CCDC102B: variants seen among roughly 807,000 people sequenced by gnomAD.
CCDC102B encodes coiled-coil domain containing 102B.
CCDC102B carries 75 observed loss-of-function variants against 57.4 expected under a neutral mutation model. The observed-to-expected ratio is 1.31, with a 90% confidence interval of 1.08 to 1.58. CCDC102B has a LOEUF of 1.58. CCDC102B is among the 40% of genes most tolerant of loss of function. The pLI is 0.00. For missense variants in CCDC102B, 636 were observed against 582.6 expected, an observed-to-expected ratio of 1.09 and a Z score of -0.94; for synonymous variants, 206 against 201.9, an observed-to-expected ratio of 1.02 and a Z score of -0.17.
chr18:68,998,967 CATATATATATATAT>C (rs377246950), intron 6 of CCDC102B, among the ~76,000 whole-genome samples: 2,045 of 91,950 alleles, frequency 0.022, 33 homozygotes, highest in Non-Finnish European at 0.029. Flanking sequence ...ACATAATCAT[CATATATATATATAT>C]ATATATATAT....
At chr18:68,976,142 T>C (rs1285078877) in intron 6 of CCDC102B, among the ~76,000 whole-genome samples, 1 of 151,978 alleles carries the variant, frequency 6.6e-6, no homozygotes, top group East Asian at 1.9e-4. Flanking sequence ...GGGTTTTAGG[T>C]TTCAAGTAAT....
intron 1 of CCDC102B, among the ~76,000 whole-genome samples, chr18:68,825,761 G>A (rs1369137024): frequency 6.6e-6 from 1 of 152,100 alleles, no homozygotes; most frequent in Non-Finnish European, 1.5e-5. Flanking sequence ...AAATGAACAT[G>A]TTCATCTTTG....
chr18:68,997,048 T>C (rs1026174091), intron 6 of CCDC102B, among the ~76,000 whole-genome samples: 2 of 152,116 alleles, frequency 1.3e-5, no homozygotes, highest in African/African-American at 4.8e-5. Flanking sequence ...TATAAGGGAC[T>C]CCTTCCCCTT....
In CCDC102B at chr18:69,054,901, G is replaced by A. The variant is rs2052790047; in HGVS notation, c.*764G>A. 1 of 985,128 alleles carries A rather than the reference G, an allele frequency of 1.0e-6. No homozygotes were observed. Among genetic ancestry groups the A allele is most frequent in the Non-Finnish European group, 1.2e-6 (1 of 829,910 alleles). 61.0% of individuals were successfully genotyped at this position (985,128 alleles called of 1,614,324 possible). On this transcript the variant is annotated 3_prime_UTR_variant, in exon 8 of 8. Coordinates refer to ENST00000360242, the MANE Select transcript of CCDC102B (RefSeq NM_024781.3). Reference sequence around the variant, plus strand: ...AAGCTGTGGTTTCCCTCTGAGTAGTGGGAATAGAGAAAATTAGGAAATTGT... The same window carrying A: ...AAGCTGTGGTTTCCCTCTGAGTAGTAGGAATAGAGAAAATTAGGAAATTGT...
At chr18:68,827,542 A>G (rs2036952856) in intron 1 of CCDC102B, among the ~76,000 whole-genome samples, 3 of 152,080 alleles carry the variant, frequency 2.0e-5, no homozygotes, top group Admixed American at 1.3e-4. Context: ...AATCCAAACA[A>G]AAATTCAAAT....
At chr18:68,850,473 A>T (rs889326787) in intron 4 of CCDC102B, among the ~76,000 whole-genome samples, 1 of 151,978 alleles carries the variant, frequency 6.6e-6, no homozygotes, top group African/African-American at 2.4e-5. Flanking sequence ...ATTGGGAGAG[A>T]GGAAGGATTA....
intron 6 of CCDC102B, among the ~76,000 whole-genome samples, chr18:68,947,655 C>G (rs1292973156): frequency 6.6e-6 from 1 of 152,048 alleles, no homozygotes; most frequent in Admixed American, 6.6e-5. Context: ...GTTCAGGTTT[C>G]CCTCTGCAAG....
intron 5 of CCDC102B, among the ~76,000 whole-genome samples, chr18:68,882,952 C>T (rs920243241): frequency 2.0e-5 from 3 of 152,002 alleles, no homozygotes; most frequent in Non-Finnish European, 2.9e-5. Context: ...CACATGGACA[C>T]GTAGAGGGGA....
intron 6 of CCDC102B, among the ~76,000 whole-genome samples, chr18:68,999,301 T>C (rs905802650): frequency 2.0e-5 from 3 of 152,024 alleles, no homozygotes; most frequent in Non-Finnish European, 4.4e-5. Flanking sequence ...TTTCTCTTTT[T>C]GTTTTAAGAT....
intron 7 of CCDC102B, among the ~76,000 whole-genome samples, chr18:69,012,013 A>G (rs538981675): frequency 6.6e-6 from 1 of 152,282 alleles, no homozygotes; most frequent in African/African-American, 2.4e-5. Context: ...AACAGAATCA[A>G]TCATTCCACA....
At chr18:68,747,017 T>C (rs1011214701) in intron 2 of CCDC102B, among the ~76,000 whole-genome samples, 2 of 152,056 alleles carry the variant, frequency 1.3e-5, no homozygotes, top group Non-Finnish European at 2.9e-5. Context: ...ATACAATGTG[T>C]AATGAGCAAT....
intron 4 of CCDC102B, among the ~76,000 whole-genome samples, chr18:68,849,191 A>AT (rs2038011464): frequency 6.6e-6 from 1 of 152,136 alleles, no homozygotes; most frequent in South Asian, 2.1e-4. Context: ...TACTAGTGGT[A>AT]TGTAGCTAAA....
At chr18:69,013,795 A>G (rs1303674267) in intron 7 of CCDC102B, among the ~76,000 whole-genome samples, 1 of 152,230 alleles carries the variant, frequency 6.6e-6, no homozygotes, top group Non-Finnish European at 1.5e-5. Context: ...GTAATATAGA[A>G]ATTTAAGTAG....
At chr18:68,953,101 GAA>G (rs1195267158) in intron 6 of CCDC102B, among the ~76,000 whole-genome samples, 1 of 152,012 alleles carries the variant, frequency 6.6e-6, no homozygotes, top group Non-Finnish European at 1.5e-5. Context: ...AAACAATACT[GAA>G]AAGAGTCTCA....
chr18:69,010,691 G>A (rs113181796), intron 6 of CCDC102B, among the ~76,000 whole-genome samples: 6 of 151,748 alleles, frequency 4.0e-5, no homozygotes, highest in African/African-American at 1.4e-4. Flanking sequence ...TTTGTGTAAG[G>A]TGCAAAATAC....
At chr18:68,891,052 C>T (rs2040059536) in intron 5 of CCDC102B, among the ~76,000 whole-genome samples, 1 of 151,826 alleles carries the variant, frequency 6.6e-6, no homozygotes, top group African/African-American at 2.4e-5. Flanking sequence ...TGTGATTGTC[C>T]CTTTTCTTAA....
intron 2 of CCDC102B, among the ~76,000 whole-genome samples, chr18:68,735,102 AGTG>A (rs2033066096): frequency 6.6e-6 from 1 of 152,182 alleles, no homozygotes; most frequent in South Asian, 2.1e-4. Context: ...CCTAGGCTGG[AGTG>A]CAGTGGTGCA....
chr18:68,735,123 C>T (rs1185543497), intron 2 of CCDC102B, among the ~76,000 whole-genome samples: 3 of 152,194 alleles, frequency 2.0e-5, no homozygotes, highest in African/African-American at 7.2e-5. Flanking sequence ...GCAGTCTCGG[C>T]TCACTGCAAC....
At chr18:68,733,506 A>ATT (rs36101856) in intron 2 of CCDC102B, among the ~76,000 whole-genome samples, 39 of 87,618 alleles carry the variant, frequency 4.5e-4, no homozygotes, top group African/African-American at 1.4e-3. Flanking sequence ...ATATATATAT[A>ATT]TTTTTTTAAC....
Sources: allele counts gnomAD v4.1 joint callset (sites outside exome capture counted in the v4.1 genomes callset), GRCh38; gene constraint gnomAD v4.1.1; transcripts MANE v1.5; gene names NCBI Gene and HGNC (gene_info 2026-07-23, HGNC 2026-07-21).